Variants in MTMR12 observed in about 807,000 individuals in gnomAD.
MTMR12 encodes myotubularin-related protein 12.
In MTMR12, 33 loss-of-function variants were observed where a neutral mutation model predicts 96.7. The ratio of observed to expected loss-of-function variants is 0.34; its 90% CI spans 0.26 to 0.46. MTMR12 has a LOEUF of 0.46. MTMR12 is among the 20% of genes least tolerant of loss of function. The pLI is 1.00. For synonymous variants in MTMR12, 298 were observed against 327.2 expected (o/e 0.91, Z 0.96); for missense variants, 721 against 896.1 (o/e 0.80, Z 2.49).
At chr5:32,248,275 C>G (rs779574292) in intron 9 of MTMR12, 149 bp from the exon 10 acceptor site, 516 of 864,722 alleles carry the variant, frequency 6.0e-4, no homozygotes, top group Non-Finnish European at 8.1e-4. Context: ...GACTCCTGTT[C>G]CCAGTCAATG....
At position 32,281,258 on chromosome 5, in the gene MTMR12, A is replaced by C. The variant is rs143071543; in HGVS notation, c.82-4516T>G. Among the ~76,000 whole-genome samples the C allele has an allele frequency of 1.3e-3, 198 of 150,122 alleles. 2 individuals are homozygous for C. Among genetic ancestry groups the C allele is most frequent in the South Asian group, 5.1e-3 (24 of 4,684 alleles). ...AGGAGACTCTATCATTAAAAAAAAA[A>C]AAAAAACAAAAAAAACTGTTACATG... On this transcript the variant is annotated intron_variant, in intron 1 of 15. Transcript: ENST00000382142.
intron 1 of MTMR12, among the ~76,000 whole-genome samples, chr5:32,290,367 T>C (rs1162605545): frequency 6.6e-6 from 1 of 152,164 alleles, no homozygotes; most frequent in Non-Finnish European, 1.5e-5. Flanking sequence ...GGTGAGACAT[T>C]TTCATGTCAG....
In MTMR12 at chr5:32,290,232, T is replaced by G. The variant is rs547240269; in HGVS notation, c.82-13490A>C. On this transcript the variant is annotated intron_variant, in intron 1 of 15. Coordinates refer to ENST00000382142, the MANE Select transcript of MTMR12 (RefSeq NM_001040446.3). ...TGTCCTACCTCAGGGACATATCAAC[T>G]CTCTGGCTTTGTGTCATAATCTTAT... is the stretch of plus-strand genomic sequence containing the variant. 2.6e-5 allele frequency among the ~76,000 whole-genome samples: 4 copies of G among 152,336 alleles called. No homozygotes were observed. In the South Asian group the frequency reaches 8.3e-4, roughly 32 times the overall value.
intron 11 of MTMR12, 115 bp downstream of exon 11, chr5:32,243,406 G>T: frequency 1.4e-6 from 1 of 714,664 alleles, no homozygotes; most frequent in South Asian, 1.8e-5. Flanking sequence ...TAGAACATGT[G>T]ATCTAAGAAT....
intron 1 of MTMR12, among the ~76,000 whole-genome samples, chr5:32,286,857 T>G (rs1375211077): frequency 6.6e-6 from 1 of 152,124 alleles, no homozygotes; most frequent in Non-Finnish European, 1.5e-5. Context: ...GCACTGCTCC[T>G]CTCGAGTTCA....
chr5:32,232,894 G>T, intron 15 of MTMR12: 1 of 911,384 alleles, frequency 1.1e-6, no homozygotes, highest in Non-Finnish European at 1.3e-6. Flanking sequence ...GCTTTCTGAA[G>T]CCCTCCAGAT....
chr5:32,234,014 A>T, intron 14 of MTMR12, 80 bp from the exon 15 acceptor site: 1 of 1,525,814 alleles, frequency 6.6e-7, no homozygotes, highest in South Asian at 1.2e-5. Context: ...CACAGGCACC[A>T]GGAAGCATGC....
chr5:32,230,189 C>T lies in MTMR12; in HGVS notation c.1833G>A (p.Glu611=). The T allele has an allele frequency of 6.2e-7, 1 of 1,614,188 alleles. No individual in the cohort carries two copies. Among genetic ancestry groups the T allele is most frequent in the Non-Finnish European group, 8.5e-7 (1 of 1,180,038 alleles). Residue 611 remains glutamate, a synonymous_variant, in exon 16 of 16, where the codon GAG becomes GAA. Transcript: ENST00000382142. ...ACTTGCTATGCCAGCTGTCATAGAA[C>T]TCTCGAAAGTTGTCTTGGAGCTCAT... ...SSDELQDNFR[E]FYDSWHSKST... is the part of the protein sequence containing the mutation.
chr5:32,309,529 A>G (rs184973294), intron 1 of MTMR12: 1 of 152,340 alleles, frequency 6.6e-6, no homozygotes, highest in East Asian at 1.9e-4. Context: ...AAAATCTAAT[A>G]ATCCACCTAA....
chr5:32,295,260 C>T (rs904916535), intron 1 of MTMR12, among the ~76,000 whole-genome samples: 3 of 152,208 alleles, frequency 2.0e-5, no homozygotes, highest in Non-Finnish European at 2.9e-5. Flanking sequence ...TATATACTTT[C>T]GGCAGTTACA....
chr5:32,312,712 C>A lies in MTMR12; in HGVS notation c.81+46G>T, dbSNP rs775564078. ...GGAAGGGGCTCCCGGCGCCCCTCGCCCCGGCCGCCCCTGCCCGACGCCCCG... is the reference window on the plus strand; with the variant it reads ...GGAAGGGGCTCCCGGCGCCCCTCGCACCGGCCGCCCCTGCCCGACGCCCCG... On this transcript the variant is annotated intron_variant, in intron 1 of 15. Coordinates refer to ENST00000382142, the MANE Select transcript of MTMR12 (RefSeq NM_001040446.3). The surrounding 1 kb of genome is among the most constrained non-coding windows in gnomAD (Gnocchi z 5.0). 1.4e-6 allele frequency: 2 copies of A among 1,402,564 alleles called. No homozygotes were observed. The highest frequency in any genetic ancestry group is 1.9e-6 in the Non-Finnish European group (2 of 1,078,004). The allele number at this position is 1,402,564 out of a possible 1,614,324, so 86.9% of individuals were successfully genotyped here.
rs1409681963 is a variant in MTMR12 at position 32,260,738 on chromosome 5, G to A, written c.713+2375C>T. Reference sequence around the variant, plus strand: ...TGAAGGCACTGCAGGGCGGGGGGGAGGGGGACCAGTGGCAGCAACCTGATA... The same window carrying A: ...TGAAGGCACTGCAGGGCGGGGGGGAAGGGGACCAGTGGCAGCAACCTGATA... On this transcript the variant is annotated intron_variant, in intron 7 of 15. Transcript: ENST00000382142. 2.0e-5 allele frequency among the ~76,000 whole-genome samples: 3 copies of A among 150,810 alleles called. 1 individual carries two copies. The highest frequency in any genetic ancestry group is 4.9e-5 in the African/African-American group (2 of 41,104).
At chr5:32,271,800 T>C in intron 4 of MTMR12, 33 bp downstream of exon 4, 1 of 1,366,574 alleles carries the variant, frequency 7.3e-7, no homozygotes, top group Admixed American at 2.3e-5. Flanking sequence ...CTCTCAAAGG[T>C]TGCCAACACC....
chr5:32,257,468 T>C (rs967037752), intron 7 of MTMR12, among the ~76,000 whole-genome samples: 1 of 151,882 alleles, frequency 6.6e-6, no homozygotes, highest in Admixed American at 6.6e-5. Flanking sequence ...CTACTTGAAA[T>C]TTTGCATTTA....
intron 7 of MTMR12, among the ~76,000 whole-genome samples, chr5:32,260,037 CA>C (rs55822680): frequency 0.069 from 3,785 of 54,820 alleles, 71 homozygotes; most frequent in African/African-American, 0.17. Context: ...CTCAGTCTCC[CA>C]AAAAAAAAAA....
At chr5:32,246,772 T>G (rs1748708030) in intron 10 of MTMR12, among the ~76,000 whole-genome samples, 1 of 152,198 alleles carries the variant, frequency 6.6e-6, no homozygotes, top group Non-Finnish European at 1.5e-5. Flanking sequence ...TCACCATAAA[T>G]TCAATATTTG....
chr5:32,293,304 T>C (rs1161077114), intron 1 of MTMR12, among the ~76,000 whole-genome samples: 1 of 152,102 alleles, frequency 6.6e-6, no homozygotes, highest in African/African-American at 2.4e-5. Flanking sequence ...GACCCATTCT[T>C]AATCTGGTGG....
chr5:32,286,940 G>A (rs1219021485), intron 1 of MTMR12, among the ~76,000 whole-genome samples: 1 of 152,152 alleles, frequency 6.6e-6, no homozygotes, highest in Non-Finnish European at 1.5e-5. Context: ...ACACAGGAAT[G>A]AACACAACAC....
At chr5:32,265,603 C>T (rs1373985286) in intron 6 of MTMR12, among the ~76,000 whole-genome samples, 1 of 152,186 alleles carries the variant, frequency 6.6e-6, no homozygotes, top group Non-Finnish European at 1.5e-5. Flanking sequence ...TTAATCAGCA[C>T]TTGTATATAT....
Sources: allele counts gnomAD v4.1 joint callset (sites outside exome capture counted in the v4.1 genomes callset), GRCh38; gene constraint gnomAD v4.1.1; non-coding constraint Gnocchi (gnomAD v3.1); transcripts MANE v1.5; gene names NCBI Gene and HGNC (gene_info 2026-07-23, HGNC 2026-07-21).